MERTK: variants seen among roughly 807,000 people sequenced by gnomAD.
MERTK encodes the protein MER proto-oncogene, tyrosine kinase, also known as tyrosine-protein kinase Mer.
MERTK carries 69 observed loss-of-function variants against 99.3 expected under a neutral mutation model. The ratio of observed to expected loss-of-function variants is 0.70; its 90% CI spans 0.57 to 0.85. The LOEUF (loss-of-function observed/expected upper bound fraction) is 0.85, where lower values mean the gene tolerates loss of function less well. Among genes scored for constraint, MERTK ranks in the 40% least tolerant of loss-of-function variants. The pLI is 0.00. For missense variants in MERTK, 1,125 were observed against 1,249.4 expected, an observed-to-expected ratio of 0.90 and a Z score of 1.50; for synonymous variants, 426 against 467.6, an observed-to-expected ratio of 0.91 and a Z score of 1.15.
intron 15 of MERTK, among the ~76,000 whole-genome samples, chr2:112,012,319 C>T (rs1170394277): frequency 1.3e-5 from 2 of 149,984 alleles, no homozygotes; most frequent in African/African-American, 4.9e-5. Context: ...CCCCCACACC[C>T]AGTCATTGAG....
In MERTK at chr2:111,961,909, C is replaced by A. The variant is rs1024244510; in HGVS notation, c.758-3282C>A. On this transcript the variant is annotated intron_variant, in intron 4 of 18. Coordinates refer to ENST00000295408, the MANE Select transcript of MERTK (RefSeq NM_006343.3). ...GGCCATGCAGACATCCGACCAGGAA[C>A]AGCTTTTCTAGGCTGATGCCTGCTG... 2.0e-5 allele frequency among the ~76,000 whole-genome samples: 3 copies of A among 152,238 alleles called. 1 individual carries two copies. The highest frequency in any genetic ancestry group is 2.0e-4 in the Admixed American group (3 of 15,288).
chr2:111,918,952 A>G lies in MERTK; in HGVS notation c.62-10168A>G, dbSNP rs577395711. ...TCAGCATCTCTTCTGGGTCTTGTGA[A>G]AGCCACAGCTGAGTCTTGGGGAGAA... On this transcript the variant is annotated intron_variant, in intron 1 of 18. Transcript: ENST00000295408. 2.0e-5 allele frequency among the ~76,000 whole-genome samples: 3 copies of G among 152,262 alleles called. No individual in the cohort carries two copies. The South Asian group carries it at 6.2e-4, about 32-fold the overall frequency.
Position 111,944,976 on chromosome 2 carries a change from C to T in MERTK, c.499C>T (p.Arg167Cys), listed in dbSNP as rs755335718. Residue 167 changes from arginine to cysteine, a missense_variant, in exon 3 of 19, where the codon CGT becomes TGT. By Grantham distance (180) the Arg-to-Cys change is radical. Coordinates refer to ENST00000295408, the MANE Select transcript of MERTK (RefSeq NM_006343.3). ...IASFSITSVQRSDNGSYICKM... is the reference protein window; with the variant it reads ...IASFSITSVQCSDNGSYICKM... ...TCTTTGCAGCATAACCAGTGTGCAG[C>T]GTTCAGACAATGGGTCGTATATCTG... The T allele has an allele frequency of 7.4e-6, 12 of 1,613,138 alleles. No homozygotes were observed. The highest frequency in any genetic ancestry group is 1.1e-5 in the South Asian group (1 of 91,064).
At chr2:112,025,192 T>C (rs1677439603) in intron 18 of MERTK, among the ~76,000 whole-genome samples, 3 of 152,126 alleles carry the variant, frequency 2.0e-5, no homozygotes, top group African/African-American at 7.2e-5. Context: ...TTCGTGGGGC[T>C]GCAGTGAGGA....
chr2:111,968,336 T>C, intron 6 of MERTK, 84 bp downstream of exon 6: 2 of 1,087,490 alleles, frequency 1.8e-6, no homozygotes, highest in Non-Finnish European at 2.8e-6. Flanking sequence ...AGGATGGGCA[T>C]GGAGGGCATT....
intron 1 of MERTK, among the ~76,000 whole-genome samples, chr2:111,912,239 C>T (rs1053640615): frequency 1.3e-5 from 2 of 151,918 alleles, no homozygotes; most frequent in African/African-American, 4.8e-5. Context: ...GAATTCCTGA[C>T]CTCATGATTT....
chr2:112,013,239 T>G (rs1468097950), intron 15 of MERTK: 1 of 153,964 alleles, frequency 6.5e-6, no homozygotes, highest in Non-Finnish European at 1.5e-5. Flanking sequence ...ACAGCTGTTA[T>G]AAAATCACCG....
chr2:111,967,486 GCTACC>G (rs2104724700), intron 5 of MERTK, among the ~76,000 whole-genome samples: 1 of 152,188 alleles, frequency 6.6e-6, no homozygotes, highest in South Asian at 2.1e-4. Flanking sequence ...AATTGAAATA[GCTACC>G]CTTCACCCAT....
intron 18 of MERTK, among the ~76,000 whole-genome samples, chr2:112,027,317 T>C (rs1313024290): frequency 6.6e-6 from 1 of 151,414 alleles, no homozygotes; most frequent in East Asian, 1.9e-4. Context: ...TGTGTATATA[T>C]ATACACACAC....
rs957665806 is a variant in MERTK at position 111,982,957 on chromosome 2, C to T, written c.1260C>T (p.Tyr420=). ...AGCAGGATGGAGAACTGGTGGGCTA[C>T]CGGATATCCCACGTGTGGCAGAGTG... ...TKQQDGELVG[Y]RISHVWQSAG... Residue 420 remains tyrosine, a synonymous_variant, in exon 8 of 19, where the codon TAC becomes TAT. Coordinates refer to ENST00000295408, the MANE Select transcript of MERTK (RefSeq NM_006343.3). 1.9e-6 allele frequency: 3 copies of T among 1,614,010 alleles called. No individual in the cohort carries two copies. Among genetic ancestry groups the T allele is most frequent in the Admixed American group, 3.3e-5 (2 of 60,000 alleles).
At chr2:111,903,942 G>A (rs1684091306) in intron 1 of MERTK, among the ~76,000 whole-genome samples, 1 of 152,220 alleles carries the variant, frequency 6.6e-6, no homozygotes, top group Non-Finnish European at 1.5e-5. Context: ...GTGTTGGGAG[G>A]AGGGTTCTTT....
rs956149668 is a variant in MERTK at position 112,028,952 on chromosome 2, C to G, written c.*88C>G. On this transcript the variant is annotated 3_prime_UTR_variant, in exon 19 of 19. Transcript: ENST00000295408. ...TGTACCTGATGTTTTTGGTATTTGT[C>G]TTCCTTACCAAGTGAACTCCATGGC... is the stretch of plus-strand genomic sequence containing the variant. 6.2e-7 allele frequency: 1 copy of G among 1,602,128 alleles called. No homozygotes were observed. Among genetic ancestry groups the G allele is most frequent in the East Asian group, 2.2e-5 (1 of 44,780 alleles).
intron 2 of MERTK, among the ~76,000 whole-genome samples, chr2:111,930,967 G>C (rs1332059174): frequency 6.6e-6 from 1 of 152,234 alleles, no homozygotes; most frequent in Non-Finnish European, 1.5e-5. Flanking sequence ...AATGAGGTCA[G>C]AGCCACACAG....
At chr2:111,985,802 C>T (rs1455423142) in intron 8 of MERTK, among the ~76,000 whole-genome samples, 3 of 152,148 alleles carry the variant, frequency 2.0e-5, no homozygotes, top group Non-Finnish European at 2.9e-5. Flanking sequence ...AGGACCCTCC[C>T]ATGGCACTAC....
intron 1 of MERTK, among the ~76,000 whole-genome samples, chr2:111,912,343 A>G (rs1684266624): frequency 6.6e-6 from 1 of 152,006 alleles, no homozygotes; most frequent in Non-Finnish European, 1.5e-5. Context: ...GTTTTCCTGA[A>G]TTTTTCTATT....
At position 111,982,711 on chromosome 2, in the gene MERTK, G is replaced by A. The variant is rs1202480768; in HGVS notation, c.1145-131G>A. 6.3e-6 allele frequency: 6 copies of A among 956,654 alleles called. No individual in the cohort carries two copies. The East Asian group carries it at 1.2e-4, about 19-fold the overall frequency. 59.3% of individuals were successfully genotyped at this position (956,654 alleles called of 1,614,324 possible). A position where few individuals can be genotyped will look rare whatever the true frequency, so the allele number is the denominator to read the frequency against. Reference sequence around the variant, plus strand: ...ATCTTAGTTGAAAAGGTGAAAATGTGCTATAAGTCTTGGTCTCATTTGAGT... The same window carrying A: ...ATCTTAGTTGAAAAGGTGAAAATGTACTATAAGTCTTGGTCTCATTTGAGT... On this transcript the variant is annotated intron_variant, in intron 7 of 18. Coordinates refer to ENST00000295408, the MANE Select transcript of MERTK (RefSeq NM_006343.3).
At chr2:112,015,468 C>T (rs1677198441) in intron 15 of MERTK, among the ~76,000 whole-genome samples, 1 of 152,136 alleles carries the variant, frequency 6.6e-6, no homozygotes, top group East Asian at 1.9e-4. Flanking sequence ...ATTTGCCATC[C>T]TTACATCCGC....
chr2:111,924,810 C>T (rs1023499002), intron 1 of MERTK, among the ~76,000 whole-genome samples: 15 of 152,142 alleles, frequency 9.9e-5, no homozygotes, highest in Non-Finnish European at 2.9e-5. Flanking sequence ...AGTTTCCCAC[C>T]ACCTTTGACC....
intron 1 of MERTK, among the ~76,000 whole-genome samples, chr2:111,915,659 G>A (rs1684337813): frequency 6.6e-6 from 1 of 152,138 alleles, no homozygotes; most frequent in African/African-American, 2.4e-5. Flanking sequence ...ACTTTGGGAG[G>A]CTGAAGCGGG....
Sources: allele counts gnomAD v4.1 joint callset (sites outside exome capture counted in the v4.1 genomes callset), GRCh38; gene constraint gnomAD v4.1.1; transcripts MANE v1.5; gene names NCBI Gene and HGNC (gene_info 2026-07-23, HGNC 2026-07-21).